The following SLC1A6 variants were observed in gnomAD, a reference collection of about 807,000 sequenced individuals.
SLC1A6 encodes the protein solute carrier family 1 member 6.
In SLC1A6, 15 loss-of-function variants were observed where a neutral mutation model predicts 42.1. That is an observed-to-expected ratio of 0.36 (90% CI 0.24 to 0.55). The LOEUF (loss-of-function observed/expected upper bound fraction) is 0.55, where lower values mean the gene tolerates loss of function less well. Ranked by LOEUF, SLC1A6 falls within the 20% of genes least tolerant of loss-of-function variation. SLC1A6 has a pLI of 0.88. For synonymous variants in SLC1A6, 317 were observed against 319.7 expected, an observed-to-expected ratio of 0.99 and a Z score of 0.09; for missense variants, 542 against 772.5, an observed-to-expected ratio of 0.70 and a Z score of 3.54.
intron 1 of SLC1A6, among the ~76,000 whole-genome samples, chr19:15,009,004 T>C (rs2045910285): frequency 1.3e-5 from 2 of 150,970 alleles, no homozygotes; most frequent in South Asian, 4.2e-4. Context: ...CTCAAATATA[T>C]AAACATATAT....
At chr19:14,962,643 G>A (rs561637115) in intron 5 of SLC1A6, among the ~76,000 whole-genome samples, 3 of 152,264 alleles carry the variant, frequency 2.0e-5, no homozygotes, top group Middle Eastern at 3.4e-3. Flanking sequence ...CATGGCTCAC[G>A]CCTGTAATCC....
chr19:14,975,572 T>A (rs1227207518), intron 1 of SLC1A6, among the ~76,000 whole-genome samples: 1 of 151,834 alleles, frequency 6.6e-6, no homozygotes, highest in Non-Finnish European at 1.5e-5. Context: ...CTGGCCAACA[T>A]GGCGAAACCC....
intron 3 of SLC1A6, 134 bp downstream of exon 3, chr19:14,971,602 TG>T: frequency 1.1e-6 from 1 of 884,274 alleles, no homozygotes; most frequent in Non-Finnish European, 1.7e-6. Flanking sequence ...CCAAGGACGC[TG>T]GACCAGACAC....
chr19:14,956,089 G>T (rs1207449502), intron 7 of SLC1A6, among the ~76,000 whole-genome samples: 1 of 152,084 alleles, frequency 6.6e-6, no homozygotes, highest in Non-Finnish European at 1.5e-5. Flanking sequence ...GGAGGAAGAG[G>T]ATGAAGGGGA....
intron 1 of SLC1A6, among the ~76,000 whole-genome samples, chr19:14,993,785 C>A (rs1419305735): frequency 6.6e-6 from 1 of 152,146 alleles, no homozygotes; most frequent in Non-Finnish European, 1.5e-5. Flanking sequence ...AGGTGGTGCT[C>A]CTTCAGCTGA....
At position 14,975,870 on chromosome 19, in the gene SLC1A6, G is replaced by GGGAC. The variant is rs1360298521; in HGVS notation, c.-7-2954_-7-2953insGTCC. The stretch of plus-strand genomic sequence containing the variant: ...CAAAGGGAAGGGAAGGGAAGGGAAG[G>GGGAC]AAAGGGAAGGGAAGGGAAGGGAAGG... On this transcript the variant is annotated intron_variant, in intron 1 of 9. Coordinates refer to ENST00000594383, the MANE Select transcript of SLC1A6 (RefSeq NM_005071.3). 1.8e-3 allele frequency among the ~76,000 whole-genome samples: 90 copies of GGGAC among 50,874 alleles called. 1 individual carries two copies. The highest frequency in any genetic ancestry group is 6.2e-3 in the African/African-American group (62 of 9,976). 33.4% of individuals were successfully genotyped at this position (50,874 alleles called of 152,430 possible). A position where few individuals can be genotyped will look rare whatever the true frequency, so the allele number is the denominator to read the frequency against.
intron 9 of SLC1A6, 150 bp from the exon 10 acceptor site, chr19:14,950,540 C>T (rs548956105): frequency 1.8e-5 from 9 of 495,132 alleles, no homozygotes; most frequent in African/African-American, 1.4e-4. Context: ...GCAGGTTCTT[C>T]CCCCTCTCTG....
chr19:14,954,421 A>C, intron 7 of SLC1A6, 92 bp from the exon 8 acceptor site: 1 of 1,168,694 alleles, frequency 8.6e-7, no homozygotes. Context: ...AGGGCAGAGA[A>C]TGGGGCGTGG....
chr19:15,005,431 C>A (rs1351089837), intron 1 of SLC1A6, among the ~76,000 whole-genome samples: 1 of 152,022 alleles, frequency 6.6e-6, no homozygotes, highest in African/African-American at 2.4e-5. Context: ...ATCACTTGAA[C>A]CTGGGAGGCG....
intron 1 of SLC1A6, among the ~76,000 whole-genome samples, chr19:15,005,170 G>A (rs756446363): frequency 6.6e-6 from 1 of 151,868 alleles, no homozygotes; most frequent in African/African-American, 2.4e-5. Context: ...TGAGGCAGGA[G>A]GATTGTTTAA....
At chr19:15,002,387 C>T (rs113363249) in intron 1 of SLC1A6, among the ~76,000 whole-genome samples, 1,716 of 152,294 alleles carry the variant, frequency 0.011, 30 homozygotes, top group African/African-American at 0.039. Context: ...CCTCCTACCT[C>T]AGCCTCCCAA....
intron 1 of SLC1A6, among the ~76,000 whole-genome samples, chr19:14,996,744 G>A (rs2045849514): frequency 6.6e-6 from 1 of 152,000 alleles, no homozygotes; most frequent in African/African-American, 2.4e-5. Context: ...CTGACACAGA[G>A]CAGATGCTCA....
intron 6 of SLC1A6, among the ~76,000 whole-genome samples, chr19:14,957,636 A>G (rs566618448): frequency 6.6e-6 from 1 of 152,320 alleles, no homozygotes; most frequent in South Asian, 2.1e-4. Context: ...TTAAGCCACA[A>G]TGTCTATGGT....
chr19:14,963,748 T>C (rs1205644232), intron 5 of SLC1A6, among the ~76,000 whole-genome samples: 1 of 152,050 alleles, frequency 6.6e-6, no homozygotes, highest in African/African-American at 2.4e-5. Flanking sequence ...CTCAACCATC[T>C]GTGGTCAAAA....
In SLC1A6 at chr19:15,004,531, C is replaced by T. The variant is rs544253364; in HGVS notation, c.6+5954G>A. On this transcript the variant is annotated intron_variant, in intron 1 of 8. Coordinates refer to the SLC1A6 transcript ENST00000430939. The stretch of plus-strand genomic sequence containing the variant: ...CAGACTGGGCAACATAGCAAGACCT[C>T]ACCTCTACAAAAAAAAAAAAAAGTC... 6.0e-5 allele frequency among the ~76,000 whole-genome samples: 6 copies of T among 100,000 alleles called. No individual in the cohort carries two copies. In the South Asian group the frequency reaches 2.4e-3, roughly 39 times the overall value. The allele number at this position is 100,000 out of a possible 152,430, so 65.6% of individuals were successfully genotyped here.
At chr19:14,970,380 T>C (rs1046144081) in intron 3 of SLC1A6, among the ~76,000 whole-genome samples, 1 of 152,150 alleles carries the variant, frequency 6.6e-6, no homozygotes, top group African/African-American at 2.4e-5. Context: ...CTGATTTTCT[T>C]AATAACATTC....
intron 1 of SLC1A6, among the ~76,000 whole-genome samples, chr19:14,996,533 T>TCTTCTTCTTCTTCTTCTTCTTCTTCTC (rs2145236853): frequency 8.9e-6 from 1 of 112,870 alleles, no homozygotes; most frequent in Non-Finnish European, 2.0e-5. Flanking sequence ...TCCTCTTTCT[T>TCTTCTTCTTCTTCTTCTTCTTCTTCTC]CTTCTTCTTC....
Position 14,955,185 on chromosome 19 carries a change from G to A in SLC1A6, c.1170-856C>T, listed in dbSNP as rs938284927. On this transcript the variant is annotated intron_variant, in intron 7 of 9. Transcript: ENST00000594383. ...AGAGTCTCTGGGTGTCCAGCTCAGCGGTGACTATGTGAGTTTAATTCTAGG... is the reference window on the plus strand; with the variant it reads ...AGAGTCTCTGGGTGTCCAGCTCAGCAGTGACTATGTGAGTTTAATTCTAGG... Among the ~76,000 whole-genome samples, 15 of 152,148 alleles carry A rather than the reference G, an allele frequency of 9.9e-5. 1 individual carries two copies. The highest frequency in any genetic ancestry group is 9.2e-4 in the Admixed American group (14 of 15,264).
At chr19:14,999,221 T>C (rs896066062) in intron 1 of SLC1A6, among the ~76,000 whole-genome samples, 1 of 152,200 alleles carries the variant, frequency 6.6e-6, no homozygotes, top group Admixed American at 6.5e-5. Flanking sequence ...TGCTACCTGG[T>C]GGCTTCATCT....
Sources: gnomAD v4.1 joint callset for allele counts (sites outside exome capture counted in the v4.1 genomes callset) on GRCh38, gnomAD v4.1.1 for gene constraint, MANE v1.5 for transcripts, NCBI Gene and HGNC (gene_info 2026-07-23, HGNC 2026-07-21) for gene names.